The following PDSS2 variants were observed in gnomAD, a reference collection of about 807,000 sequenced individuals.
PDSS2 encodes decaprenyl diphosphate synthase subunit 2, also known as all trans-polyprenyl-diphosphate synthase PDSS2.
A neutral mutation model predicts 44.5 loss-of-function variants in PDSS2; 31 were observed. That is an observed-to-expected ratio of 0.70 (90% CI 0.52 to 0.94). The LOEUF (loss-of-function observed/expected upper bound fraction) is 0.94. Among genes scored for constraint, PDSS2 ranks in the 40% least tolerant of loss-of-function variants. PDSS2 has a pLI of 0.00. For synonymous variants in PDSS2, 157 were observed against 180.3 expected, an observed-to-expected ratio of 0.87 and a Z score of 1.03; for missense variants, 452 against 482.2, an observed-to-expected ratio of 0.94 and a Z score of 0.59.
chr6:107,305,724 T>C (rs1471105072), intron 2 of PDSS2, among the ~76,000 whole-genome samples: 2 of 152,210 alleles, frequency 1.3e-5, no homozygotes, highest in African/African-American at 4.8e-5. Context: ...CTTCTTTTTT[T>C]TGCTTTTCTG....
chr6:107,409,958 A>T (rs564848372), intron 1 of PDSS2, among the ~76,000 whole-genome samples: 1 of 152,282 alleles, frequency 6.6e-6, no homozygotes, highest in Admixed American at 6.5e-5. Flanking sequence ...ATACAGATCA[A>T]AGGATAAGCA....
intron 2 of PDSS2, among the ~76,000 whole-genome samples, chr6:107,286,576 T>C (rs1033950621): frequency 2.6e-5 from 4 of 152,030 alleles, no homozygotes; most frequent in Middle Eastern, 3.2e-3. Context: ...AGACTTGAAG[T>C]ACTTGCAATA....
At chr6:107,270,036 T>C (rs1775545431) in intron 3 of PDSS2, among the ~76,000 whole-genome samples, 1 of 152,096 alleles carries the variant, frequency 6.6e-6, no homozygotes, top group African/African-American at 2.4e-5. Context: ...GATTGATTTA[T>C]AAAGATTTCT....
At chr6:107,379,729 C>A (rs1779398428) in intron 1 of PDSS2, among the ~76,000 whole-genome samples, 1 of 151,838 alleles carries the variant, frequency 6.6e-6, no homozygotes, top group Non-Finnish European at 1.5e-5. Context: ...TTCTGGTATT[C>A]TTTTATTCAT....
In PDSS2 at chr6:107,154,429, T is replaced by C. The variant is rs569484992; in HGVS notation, c.*190A>G. Reference sequence around the variant, plus strand: ...TCTGGCGTGACAAGTGAAAACTGCTTGACCTTTTTTTCTTCTAATTTTGTT... The same window carrying C: ...TCTGGCGTGACAAGTGAAAACTGCTCGACCTTTTTTTCTTCTAATTTTGTT... On this transcript the variant is annotated 3_prime_UTR_variant, in exon 8 of 8. Transcript: ENST00000369037. 35 of 590,906 alleles carry C rather than the reference T, an allele frequency of 5.9e-5. No homozygotes were observed. Among genetic ancestry groups the C allele is most frequent in the African/African-American group, 4.6e-4 (25 of 53,880 alleles). The allele number at this position is 590,906 out of a possible 1,614,324, so 36.6% of individuals were successfully genotyped here.
chr6:107,241,547 C>T (rs1216711782), intron 4 of PDSS2, among the ~76,000 whole-genome samples: 4 of 151,700 alleles, frequency 2.6e-5, no homozygotes, highest in Admixed American at 1.3e-4. Flanking sequence ...AGGGTTTCAC[C>T]GTGTTAGCCA....
At chr6:107,173,529 G>A (rs1211875764) in intron 7 of PDSS2, among the ~76,000 whole-genome samples, 20 of 125,200 alleles carry the variant, frequency 1.6e-4, no homozygotes, top group Admixed American at 1.4e-3. Context: ...AGCCGAGATC[G>A]CGCCACTGCA....
chr6:107,371,253 AT>A (rs1476242498), intron 1 of PDSS2, among the ~76,000 whole-genome samples: 1 of 152,154 alleles, frequency 6.6e-6, no homozygotes, highest in Non-Finnish European at 1.5e-5. Flanking sequence ...GTAAAACATC[AT>A]TAAGAAAGGT....
chr6:107,428,427 A>G (rs560519414), intron 1 of PDSS2, among the ~76,000 whole-genome samples: 1 of 152,374 alleles, frequency 6.6e-6, no homozygotes, highest in Admixed American at 6.5e-5. Flanking sequence ...AGGTCAGGAC[A>G]GGGCAAAACT....
intron 4 of PDSS2, among the ~76,000 whole-genome samples, chr6:107,233,796 G>C (rs1774132261): frequency 1.3e-5 from 2 of 151,958 alleles, no homozygotes; most frequent in Non-Finnish European, 2.9e-5. Flanking sequence ...CTGGGTGACA[G>C]AGTGAGACCC....
chr6:107,254,298 G>C (rs371376795), intron 3 of PDSS2, among the ~76,000 whole-genome samples: 2 of 151,814 alleles, frequency 1.3e-5, no homozygotes, highest in Non-Finnish European at 2.9e-5. Flanking sequence ...TCCCAAAGTG[G>C]TGGGATTACA....
intron 3 of PDSS2, among the ~76,000 whole-genome samples, chr6:107,254,591 T>C (rs937667140): frequency 6.6e-6 from 1 of 152,222 alleles, no homozygotes; most frequent in Non-Finnish European, 1.5e-5. Flanking sequence ...TCTGTTGTAC[T>C]CAGGATATAC....
At chr6:107,435,894 T>G (rs926326189) in intron 1 of PDSS2, among the ~76,000 whole-genome samples, 2 of 152,184 alleles carry the variant, frequency 1.3e-5, no homozygotes, top group Non-Finnish European at 2.9e-5. Context: ...AGAATAATTT[T>G]TTAAAGCTAT....
chr6:107,402,455 T>TATATATACGTATATATATGTATAC (rs1780146187), intron 1 of PDSS2, among the ~76,000 whole-genome samples: 2 of 82,506 alleles, frequency 2.4e-5, no homozygotes, highest in South Asian at 7.2e-4. Flanking sequence ...CACACACACA[T>TATATATACGTATATATATGTATAC]ATATATACGT....
intron 1 of PDSS2, among the ~76,000 whole-genome samples, chr6:107,455,980 A>G (rs544970587): frequency 1.3e-4 from 20 of 152,292 alleles, no homozygotes; most frequent in African/African-American, 4.3e-4. Flanking sequence ...TATTTATAAC[A>G]GCATTTTTCA....
At chr6:107,307,377 G>A (rs573021549) in intron 2 of PDSS2, among the ~76,000 whole-genome samples, 1 of 152,284 alleles carries the variant, frequency 6.6e-6, no homozygotes, top group East Asian at 1.9e-4. Context: ...CAAAGGGATA[G>A]AACTACGCAT....
chr6:107,287,872 A>G (rs1433044580), intron 2 of PDSS2, among the ~76,000 whole-genome samples: 3 of 151,862 alleles, frequency 2.0e-5, no homozygotes, highest in Non-Finnish European at 2.9e-5. Context: ...GCGTGTGCCT[A>G]TAGTCCCAGC....
chr6:107,285,504 G>GAA (rs970221490), intron 2 of PDSS2, among the ~76,000 whole-genome samples: 1 of 150,212 alleles, frequency 6.7e-6, no homozygotes, highest in African/African-American at 2.4e-5. Flanking sequence ...GAAGAAGAAG[G>GAA]AAAAAAAAGT....
chr6:107,375,665 C>G (rs542448958), intron 1 of PDSS2, among the ~76,000 whole-genome samples: 20 of 152,242 alleles, frequency 1.3e-4, no homozygotes, highest in African/African-American at 4.6e-4. Context: ...TTTATGAGGC[C>G]AGCATTACCT....
Sources: gnomAD v4.1 joint callset for allele counts (sites outside exome capture counted in the v4.1 genomes callset) on GRCh38, gnomAD v4.1.1 for gene constraint, MANE v1.5 for transcripts, NCBI Gene and HGNC (gene_info 2026-07-23, HGNC 2026-07-21) for gene names.